The following GTF2F2 variants were observed in gnomAD, a reference collection of about 807,000 sequenced individuals.
GTF2F2 encodes the protein ATP-dependent helicase GTF2F2.
GTF2F2 carries 23 observed loss-of-function variants against 42.2 expected under a neutral mutation model. That is an observed-to-expected ratio of 0.55 (90% CI 0.39 to 0.77). GTF2F2 has a LOEUF of 0.77. GTF2F2 is among the 30% of genes least tolerant of loss of function. The probability of loss-of-function intolerance (pLI) is 0.00; values close to 1 mark genes in which losing one functional copy is unlikely to be tolerated. For missense variants in GTF2F2, 261 were observed against 287.2 expected (o/e 0.91, Z 0.66); for synonymous variants, 105 against 100.8 (o/e 1.04, Z -0.25).
Position 45,223,632 on chromosome 13 carries a change from T to C in GTF2F2, c.386+16127T>C, listed in dbSNP as rs574272120. Among the ~76,000 whole-genome samples, 21 of 152,326 alleles carry C rather than the reference T, an allele frequency of 1.4e-4. 1 individual carries two copies. Among genetic ancestry groups the C allele is most frequent in the African/African-American group, 4.6e-4 (19 of 41,578 alleles). ...TTTTTTAAATACAAAACTTTAGATATTCCTTTTTCATAAAAAACTATTCAA... is the reference window on the plus strand; with the variant it reads ...TTTTTTAAATACAAAACTTTAGATACTCCTTTTTCATAAAAAACTATTCAA... On this transcript the variant is annotated intron_variant, in intron 5 of 7. Transcript: ENST00000340473.
At chr13:45,231,575 A>T (rs1593505776) in intron 5 of GTF2F2, among the ~76,000 whole-genome samples, 1 of 152,206 alleles carries the variant, frequency 6.6e-6, no homozygotes, top group East Asian at 1.9e-4. Flanking sequence ...TGCAGTCCTA[A>T]ATGATACTCC....
At chr13:45,173,491 C>G (rs1871700232) in intron 4 of GTF2F2, among the ~76,000 whole-genome samples, 1 of 151,984 alleles carries the variant, frequency 6.6e-6, no homozygotes, top group Admixed American at 6.6e-5. Context: ...AAGAATCCCT[C>G]AGGTTACCCT....
chr13:45,246,006 ATTTATTTAT>A (rs1234481625), intron 5 of GTF2F2, among the ~76,000 whole-genome samples: 1 of 76,432 alleles, frequency 1.3e-5, no homozygotes, highest in Non-Finnish European at 2.3e-5. Context: ...TTATTTATTT[ATTTATTTAT>A]TTTATTTATT....
At chr13:45,271,093 C>T (rs1228366596) in intron 7 of GTF2F2, among the ~76,000 whole-genome samples, 3 of 151,912 alleles carry the variant, frequency 2.0e-5, no homozygotes, top group Non-Finnish European at 4.4e-5. Flanking sequence ...GAGATCGAGA[C>T]TATCCTGGCT....
intron 4 of GTF2F2, among the ~76,000 whole-genome samples, chr13:45,174,862 A>G (rs1418247829): frequency 1.3e-5 from 2 of 152,152 alleles, no homozygotes; most frequent in African/African-American, 2.4e-5. Context: ...TTTATGGTAC[A>G]GTATGATTTT....
In GTF2F2 at chr13:45,154,836, A is replaced by G. The variant is rs192046320; in HGVS notation, c.304+3005A>G. On this transcript the variant is annotated intron_variant, in intron 4 of 7. Transcript: ENST00000340473. ...AGGCAAGTGCATGCATTTTAGCTCA[A>G]TCTGGATGTATATCACTTGGTAAAA... Among the ~76,000 whole-genome samples, 902 of 152,330 alleles carry G rather than the reference A, an allele frequency of 5.9e-3. 8 individuals carry two copies. The highest frequency in any genetic ancestry group is 0.018 in the South Asian group (85 of 4,826).
Position 45,128,909 on chromosome 13 carries a change from G to A in GTF2F2, c.67-7824G>A, listed in dbSNP as rs185893619. On this transcript the variant is annotated intron_variant, in intron 1 of 7. Transcript: ENST00000340473. ...TGCCCGACACAATGTTTTTAAGTTG[G>A]CAGTTGCTTGTATTAGGTATAATTT... Among the ~76,000 whole-genome samples the A allele has an allele frequency of 3.9e-5, 6 of 152,094 alleles. No homozygotes were observed. In the East Asian group the frequency reaches 1.2e-3, roughly 30 times the overall value.
intron 5 of GTF2F2, among the ~76,000 whole-genome samples, chr13:45,226,771 G>A (rs1462933793): frequency 6.6e-6 from 1 of 151,984 alleles, no homozygotes; most frequent in African/African-American, 2.4e-5. Context: ...GTCTATTTAC[G>A]CCTTCTTTTA....
At chr13:45,178,697 C>T (rs894386650) in intron 4 of GTF2F2, among the ~76,000 whole-genome samples, 2 of 152,086 alleles carry the variant, frequency 1.3e-5, no homozygotes, top group African/African-American at 4.8e-5. Context: ...CTCACCCAAG[C>T]ACTACAGACC....
chr13:45,149,070 T>G (rs1053570280), intron 2 of GTF2F2, among the ~76,000 whole-genome samples: 4 of 152,090 alleles, frequency 2.6e-5, no homozygotes, highest in Admixed American at 2.6e-4. Context: ...TAGTAAAATT[T>G]GATGAAGTAC....
chr13:45,262,591 C>A (rs2138259138), intron 6 of GTF2F2, among the ~76,000 whole-genome samples: 1 of 151,926 alleles, frequency 6.6e-6, no homozygotes, highest in East Asian at 1.9e-4. Flanking sequence ...CCACACCCAG[C>A]TAATTTTTGT....
chr13:45,245,144 C>T (rs1350506208), intron 5 of GTF2F2, among the ~76,000 whole-genome samples: 1 of 152,058 alleles, frequency 6.6e-6, no homozygotes, highest in African/African-American at 2.4e-5. Context: ...AATAGTTTTT[C>T]TACATCTGAA....
intron 4 of GTF2F2, 44 bp downstream of exon 4, chr13:45,151,875 G>A (rs1440633346): frequency 6.3e-6 from 3 of 478,716 alleles, no homozygotes; most frequent in East Asian, 6.3e-5. Context: ...TGTACATTTT[G>A]TATAGATTTT....
Position 45,239,597 on chromosome 13 carries a change from A to G in GTF2F2, c.387-13274A>G, listed in dbSNP as rs900811549. Among the ~76,000 whole-genome samples, 12 of 152,358 alleles carry G rather than the reference A, an allele frequency of 7.9e-5. No homozygotes were observed. In the South Asian group the frequency reaches 2.5e-3, roughly 32 times the overall value. On this transcript the variant is annotated intron_variant, in intron 5 of 7. Coordinates refer to ENST00000340473, the MANE Select transcript of GTF2F2 (RefSeq NM_004128.3). Reference sequence around the variant, plus strand: ...TGGGTGCTTGTTGTTTCTAACAGAAATCTTGGAGAAAACCAAGTCCAGTGT... The same window carrying G: ...TGGGTGCTTGTTGTTTCTAACAGAAGTCTTGGAGAAAACCAAGTCCAGTGT...
intron 1 of GTF2F2, among the ~76,000 whole-genome samples, chr13:45,121,979 C>T (rs1186600768): frequency 6.6e-6 from 1 of 152,072 alleles, no homozygotes; most frequent in African/African-American, 2.4e-5. Context: ...GTGCCATTGT[C>T]CTAGGAGCAT....
At chr13:45,196,624 T>C (rs1177029332) in intron 4 of GTF2F2, among the ~76,000 whole-genome samples, 1 of 152,236 alleles carries the variant, frequency 6.6e-6, no homozygotes, top group Non-Finnish European at 1.5e-5. Flanking sequence ...TTTTGAACTT[T>C]ATAGGATACC....
chr13:45,153,484 ATAAT>A (rs1277842382), intron 4 of GTF2F2, among the ~76,000 whole-genome samples: 3 of 152,182 alleles, frequency 2.0e-5, no homozygotes, highest in East Asian at 3.8e-4. Flanking sequence ...TGATGCTCTG[ATAAT>A]TAGTAGTGTA....
chr13:45,273,764 C>T (rs1460884883), intron 7 of GTF2F2, among the ~76,000 whole-genome samples: 4 of 149,842 alleles, frequency 2.7e-5, no homozygotes, highest in African/African-American at 7.5e-5. Context: ...AAGCGATTCT[C>T]CTGCCTCAGC....
At chr13:45,214,465 A>G (rs1290492273) in intron 5 of GTF2F2, among the ~76,000 whole-genome samples, 6 of 152,204 alleles carry the variant, frequency 3.9e-5, no homozygotes. Context: ...GTTAGCCACC[A>G]GGAAAATCTA....
Sources: gnomAD v4.1 joint callset for allele counts (sites outside exome capture counted in the v4.1 genomes callset) on GRCh38, gnomAD v4.1.1 for gene constraint, MANE v1.5 for transcripts, NCBI Gene and HGNC (gene_info 2026-07-23, HGNC 2026-07-21) for gene names.